Variants in ARHGEF38 observed in about 807,000 individuals in gnomAD.
ARHGEF38 encodes the protein Rho guanine nucleotide exchange factor (GEF) 38.
ARHGEF38 carries 79 observed loss-of-function variants against 79.9 expected under a neutral mutation model. The ratio of observed to expected loss-of-function variants is 0.99; its 90% confidence interval spans 0.82 to 1.19. The LOEUF is 1.19. Among genes scored for constraint, ARHGEF38 ranks in the 50% most tolerant of loss-of-function variants. ARHGEF38 has a pLI of 0.00. For missense variants in ARHGEF38, 962 were observed against 907.2 expected, an observed-to-expected ratio of 1.06 and a Z score of -0.78; for synonymous variants, 366 against 328.3, an observed-to-expected ratio of 1.11 and a Z score of -1.24.
chr4:105,667,514 T>C lies in ARHGEF38; in HGVS notation c.1959T>C (p.Ala653=). Residue 653 remains alanine (A), a synonymous_variant, in exon 13 of 14, where the codon GCT becomes GCC. Transcript: ENST00000420470. Reference sequence around the variant, plus strand: ...CAGCAAAAATGCAGAAAGTGGATGCTGAGAACAGGTTCTGTGACGATGATT... The same window carrying C: ...CAGCAAAAATGCAGAAAGTGGATGCCGAGAACAGGTTCTGTGACGATGATT... ...YNPAKMQKVD[A]ENRFCDDDFE... 6.5e-7 allele frequency: 1 copy of C among 1,536,504 alleles called. No individual in the cohort carries two copies. Among genetic ancestry groups the C allele is most frequent in the Non-Finnish European group, 8.7e-7 (1 of 1,146,976 alleles).
chr4:105,605,762 A>T (rs1028648003), intron 2 of ARHGEF38, among the ~76,000 whole-genome samples: 15 of 152,070 alleles, frequency 9.9e-5, no homozygotes, highest in Admixed American at 3.9e-4. Flanking sequence ...TAATGAGTTA[A>T]TTATCCTAGC....
intron 13 of ARHGEF38, among the ~76,000 whole-genome samples, chr4:105,668,545 T>C (rs1048834944): frequency 1.3e-5 from 2 of 152,174 alleles, no homozygotes; most frequent in African/African-American, 4.8e-5. Flanking sequence ...TACTTAATGG[T>C]TCATTCCCCA....
chr4:105,619,816 T>C (rs1184434821), intron 3 of ARHGEF38, among the ~76,000 whole-genome samples: 2 of 152,190 alleles, frequency 1.3e-5, no homozygotes, highest in Non-Finnish European at 2.9e-5. Context: ...CAATTTCCAT[T>C]ACTAAACCTT....
Position 105,640,754 on chromosome 4 carries a change from A to G in ARHGEF38, c.674+4334A>G, listed in dbSNP as rs528661245. Among the ~76,000 whole-genome samples, 14 of 152,276 alleles carry G rather than the reference A, an allele frequency of 9.2e-5. No individual in the cohort carries two copies. In the South Asian group the frequency reaches 2.9e-3, roughly 32 times the overall value. On this transcript the variant is annotated intron_variant, in intron 5 of 13. Transcript: ENST00000420470. ...TGGTTTATAGTTTGATTTGCTATCG[A>G]ATTCTAAATTGGAAACCATTCACCT...
chr4:105,679,844 G>A lies in ARHGEF38; in HGVS notation c.*1907G>A. The A allele has an allele frequency of 7.1e-7, 1 of 1,401,446 alleles. No individual in the cohort carries two copies. The highest frequency in any genetic ancestry group is 1.0e-6 in the Non-Finnish European group (1 of 991,480). 86.8% of individuals were successfully genotyped at this position (1,401,446 alleles called of 1,614,324 possible). ...ATAGGACTCAATATCCTGAGGAGGA[G>A]AACTTTGAATCACCAGGTCAACTAC... On this transcript the variant is annotated 3_prime_UTR_variant, in exon 14 of 14. Transcript: ENST00000420470.
intron 13 of ARHGEF38, among the ~76,000 whole-genome samples, chr4:105,668,707 T>G (rs1306209206): frequency 6.7e-6 from 1 of 148,416 alleles, no homozygotes. Context: ...GATAGATAGA[T>G]GATAGATAGA....
At chr4:105,561,248 C>CA (rs1031832309) in intron 1 of ARHGEF38, among the ~76,000 whole-genome samples, 75 of 151,466 alleles carry the variant, frequency 5.0e-4, no homozygotes, top group Non-Finnish European at 8.2e-4. Context: ...CAAAACAAAA[C>CA]AAAAAATTAG....
At chr4:105,676,867 A>C (rs998660715) in intron 13 of ARHGEF38, among the ~76,000 whole-genome samples, 1 of 152,094 alleles carries the variant, frequency 6.6e-6, no homozygotes, top group African/African-American at 2.4e-5. Context: ...TATATCGTAC[A>C]TCTAATTTTA....
At chr4:105,612,075 A>C (rs1320203364) in intron 2 of ARHGEF38, among the ~76,000 whole-genome samples, 1 of 152,128 alleles carries the variant, frequency 6.6e-6, no homozygotes, top group Non-Finnish European at 1.5e-5. Context: ...ATGACAGAAT[A>C]TCCTTACCAA....
At chr4:105,598,302 AC>A (rs1727670986) in intron 2 of ARHGEF38, among the ~76,000 whole-genome samples, 1 of 152,150 alleles carries the variant, frequency 6.6e-6, no homozygotes, top group Non-Finnish European at 1.5e-5. Flanking sequence ...GACCTCACAG[AC>A]TTTAGTGAGT....
At chr4:105,561,145 T>C (rs1446486709) in intron 1 of ARHGEF38, among the ~76,000 whole-genome samples, 2 of 152,106 alleles carry the variant, frequency 1.3e-5, no homozygotes, top group African/African-American at 2.4e-5. Context: ...CCCAGCACTT[T>C]GGGTGGCCAA....
chr4:105,612,225 A>G (rs1446817429), intron 2 of ARHGEF38, among the ~76,000 whole-genome samples: 1 of 152,126 alleles, frequency 6.6e-6, no homozygotes, highest in Non-Finnish European at 1.5e-5. Flanking sequence ...GTCTGAAATA[A>G]TGGAAAAAAG....
intron 1 of ARHGEF38, chr4:105,561,514 A>AATGGAATGGAATGGAATG (rs1725616685): frequency 7.6e-6 from 1 of 131,710 alleles, no homozygotes; most frequent in African/African-American, 2.8e-5. Context: ...AGAATAGAAT[A>AATGGAATGGAATGGAATG]GAATAGAATA....
chr4:105,664,429 A>G (rs537289015), intron 10 of ARHGEF38, among the ~76,000 whole-genome samples: 5 of 152,206 alleles, frequency 3.3e-5, no homozygotes, highest in East Asian at 1.9e-4. Flanking sequence ...CATTATTAAT[A>G]CACTTTAGGT....
downstream of ARHGEF38, among the ~76,000 whole-genome samples, chr4:105,681,274 T>A (rs1309632850): frequency 6.6e-6 from 1 of 151,244 alleles, no homozygotes; most frequent in East Asian, 1.9e-4. Context: ...CAGTTTAAAA[T>A]AATAATCTTT....
intron 2 of ARHGEF38, among the ~76,000 whole-genome samples, chr4:105,603,571 A>G (rs923006298): frequency 6.6e-6 from 1 of 152,068 alleles, no homozygotes. Context: ...ACTAGATCCA[A>G]TTGCATCTGT....
intron 2 of ARHGEF38, among the ~76,000 whole-genome samples, chr4:105,590,117 A>AGGAAGGAAGGAG (rs1727262647): frequency 7.0e-6 from 1 of 143,214 alleles, no homozygotes; most frequent in Non-Finnish European, 1.5e-5. Flanking sequence ...GAAGGAAGGA[A>AGGAAGGAAGGAG]GGAAGGAAGG....
At chr4:105,670,408 A>T (rs943237958) in intron 13 of ARHGEF38, among the ~76,000 whole-genome samples, 1 of 151,988 alleles carries the variant, frequency 6.6e-6, no homozygotes, top group African/African-American at 2.4e-5. Context: ...ACATTTTTTC[A>T]TGGGCTCATT....
chr4:105,578,776 C>G (rs1239897221), intron 1 of ARHGEF38, among the ~76,000 whole-genome samples: 1 of 151,924 alleles, frequency 6.6e-6, no homozygotes, highest in Non-Finnish European at 1.5e-5. Context: ...ACTTTTTTAC[C>G]ATGAATTTAT....
Sources: allele counts gnomAD v4.1 joint callset (sites outside exome capture counted in the v4.1 genomes callset), GRCh38; gene constraint gnomAD v4.1.1; transcripts MANE v1.5; gene names NCBI Gene and HGNC (gene_info 2026-07-23, HGNC 2026-07-21).